The following THEM4 variants were observed in gnomAD, a reference collection of about 807,000 sequenced individuals.
The protein encoded by THEM4 is acyl-coenzyme A thioesterase THEM4.
Under a neutral mutation model 25.0 loss-of-function variants are expected in THEM4, and 22 were observed. The observed-to-expected ratio is 0.88, with a 90% CI of 0.63 to 1.26. The LOEUF is 1.26. Ranked by LOEUF, THEM4 falls within the 50% of genes most tolerant of loss-of-function variation. The pLI is 0.00. For synonymous variants in THEM4, 113 were observed against 105.6 expected (o/e 1.07, Z -0.43); for missense variants, 286 against 300.3 (o/e 0.95, Z 0.35).
intron 4 of THEM4, among the ~76,000 whole-genome samples, chr1:151,887,871 G>A (rs535745802): frequency 3.9e-5 from 6 of 152,104 alleles, no homozygotes; most frequent in Non-Finnish European, 8.8e-5. Context: ...CACTTGTTTT[G>A]GTTATTTTCT....
intron 4 of THEM4, 39 bp downstream of exon 4, chr1:151,888,231 TAAC>T (rs761478997): frequency 2.0e-6 from 3 of 1,528,416 alleles, no homozygotes; most frequent in Admixed American, 3.5e-5. Context: ...GAACCTGACT[TAAC>T]AACACCTAAG....
chr1:151,886,962 C>T (rs747250044), intron 4 of THEM4, among the ~76,000 whole-genome samples: 4 of 152,098 alleles, frequency 2.6e-5, no homozygotes, highest in Non-Finnish European at 4.4e-5. Flanking sequence ...GGAAGAAGTA[C>T]AAAGATCTGT....
chr1:151,897,563 T>C (rs548463163), intron 1 of THEM4, among the ~76,000 whole-genome samples: 1 of 152,300 alleles, frequency 6.6e-6, no homozygotes, highest in East Asian at 1.9e-4. Context: ...TTAATTATTG[T>C]AGGAACATAA....
chr1:151,873,174 G>C lies in THEM4; in HGVS notation c.*1714C>G, dbSNP rs2338201. On this transcript the variant is annotated 3_prime_UTR_variant, in exon 6 of 6. Coordinates refer to ENST00000368814, the MANE Select transcript of THEM4 (RefSeq NM_053055.5). ...GGAGAGAAGCATAAATCTGGCCTAC[G>C]TACACATCTGGGCATAGTACCTTCC... is the stretch of plus-strand genomic sequence containing the variant. 0.59 allele frequency among the ~76,000 whole-genome samples: 88,940 copies of C among 151,948 alleles called. 26,333 individuals carry two copies. Among genetic ancestry groups the C allele is most frequent in the Admixed American group, 0.67 (10,236 of 15,272 alleles).
intron 1 of THEM4, among the ~76,000 whole-genome samples, chr1:151,897,258 TAC>T (rs928839363): frequency 2.6e-4 from 40 of 152,204 alleles, no homozygotes; most frequent in Admixed American, 2.3e-3. Context: ...GTACCTACAA[TAC>T]ACACACTGCA....
chr1:151,893,087 T>TC (rs1195926837), intron 2 of THEM4, among the ~76,000 whole-genome samples: 1 of 152,138 alleles, frequency 6.6e-6, no homozygotes, highest in Non-Finnish European at 1.5e-5. Context: ...GGGTTCAAGA[T>TC]AGGCTGGGCA....
chr1:151,878,864 T>G (rs1653744539), intron 4 of THEM4, among the ~76,000 whole-genome samples: 1 of 96,174 alleles, frequency 1.0e-5, no homozygotes, highest in Admixed American at 1.2e-4. Context: ...ATAAAAAAAT[T>G]TGTTTTATTA....
At chr1:151,901,402 A>C (rs953288498) in intron 1 of THEM4, among the ~76,000 whole-genome samples, 1 of 152,246 alleles carries the variant, frequency 6.6e-6, no homozygotes. Context: ...CATTCTATTC[A>C]ACAGTGCATG....
intron 1 of THEM4, among the ~76,000 whole-genome samples, chr1:151,902,099 A>T (rs1654366095): frequency 6.6e-6 from 1 of 152,218 alleles, no homozygotes. Context: ...CTCCTGCAAG[A>T]ATTGCCATAA....
At chr1:151,894,503 T>C (rs2101726212) in intron 2 of THEM4, among the ~76,000 whole-genome samples, 1 of 152,286 alleles carries the variant, frequency 6.6e-6, no homozygotes, top group East Asian at 1.9e-4. Context: ...TTTAGGCTAA[T>C]TTTTCTATAA....
chr1:151,902,498 G>T (rs1309493279), intron 1 of THEM4, among the ~76,000 whole-genome samples: 1 of 152,082 alleles, frequency 6.6e-6, no homozygotes, highest in African/African-American at 2.4e-5. Context: ...GACTTGGGGG[G>T]AAGAATGGGA....
chr1:151,878,889 TATACACAC>T lies in THEM4; in HGVS notation c.558-1772_558-1765del, dbSNP rs1174150983. On this transcript the variant is annotated intron_variant, in intron 4 of 5. Coordinates refer to ENST00000368814, the MANE Select transcript of THEM4 (RefSeq NM_053055.5). ...TTGTTTTATTATATTTGTATATGTC[TATACACAC>T]ACACACACACACACACACACACACA... Among the ~76,000 whole-genome samples, 1,042 of 127,658 alleles carry T rather than the reference TATACACAC, an allele frequency of 8.2e-3. 22 individuals carry two copies. Among genetic ancestry groups the T allele is most frequent in the African/African-American group, 0.028 (942 of 33,538 alleles). The allele number at this position is 127,658 out of a possible 152,430, so 83.7% of individuals were successfully genotyped here. A position where few individuals can be genotyped will look rare whatever the true frequency, so the allele number is the denominator to read the frequency against.
intron 1 of THEM4, among the ~76,000 whole-genome samples, chr1:151,901,077 A>G (rs1654341209): frequency 6.6e-6 from 1 of 152,238 alleles, no homozygotes; most frequent in Non-Finnish European, 1.5e-5. Context: ...TAGTAAATCT[A>G]TAATCTATAG....
intron 1 of THEM4, 142 bp downstream of exon 1, chr1:151,909,218 C>T: frequency 1.6e-6 from 1 of 626,882 alleles, no homozygotes; most frequent in Non-Finnish European, 2.6e-6. Flanking sequence ...GCCCCTGTTG[C>T]TTATGCTGCC....
At chr1:151,891,455 G>A (rs892424393) in intron 2 of THEM4, 8 of 152,202 alleles carry the variant, frequency 5.3e-5, no homozygotes, top group African/African-American at 1.9e-4. Flanking sequence ...GATGGCAGAT[G>A]GTTGGATTCA....
In THEM4 at chr1:151,876,976, GAAAGAGAT is replaced by G; in HGVS notation, c.682+17_682+24del. 6.3e-7 allele frequency: 1 copy of G among 1,583,462 alleles called. No homozygotes were observed. Among genetic ancestry groups the G allele is most frequent in the Non-Finnish European group, 8.6e-7 (1 of 1,168,460 alleles). On this transcript the variant is annotated intron_variant, in intron 5 of 5. Coordinates refer to ENST00000368814, the MANE Select transcript of THEM4 (RefSeq NM_053055.5). ...CCAACCCAACCCAACTAAACCCCAA[GAAAGAGAT>G]AAGACCAGCTTCTTACTTGTCGCCT...
At chr1:151,877,553 A>G (rs950522174) in intron 4 of THEM4, among the ~76,000 whole-genome samples, 1 of 152,212 alleles carries the variant, frequency 6.6e-6, no homozygotes, top group Admixed American at 6.5e-5. Flanking sequence ...TTCAATTCTG[A>G]GTAATGGTCA....
At chr1:151,907,758 T>C (rs1654503840) in intron 1 of THEM4, among the ~76,000 whole-genome samples, 1 of 152,198 alleles carries the variant, frequency 6.6e-6, no homozygotes, top group Non-Finnish European at 1.5e-5. Context: ...CAACGGCACC[T>C]ATTTTTCTTT....
In THEM4 at chr1:151,871,141, A is replaced by G. The variant is rs1344475149; in HGVS notation, c.*3747T>C. Among the ~76,000 whole-genome samples the G allele has an allele frequency of 6.6e-6, 1 of 152,146 alleles. No homozygotes were observed. Among genetic ancestry groups the G allele is most frequent in the African/African-American group, 2.4e-5 (1 of 41,434 alleles). On this transcript the variant is annotated 3_prime_UTR_variant, in exon 6 of 6. Coordinates refer to ENST00000368814, the MANE Select transcript of THEM4 (RefSeq NM_053055.5). The stretch of plus-strand genomic sequence containing the variant: ...GGAGTTTGAGACCAGACTGGGCAAC[A>G]TGGCAAAACCCTGTCTCTACAAACA...
Sources: allele counts gnomAD v4.1 joint callset (sites outside exome capture counted in the v4.1 genomes callset), GRCh38; gene constraint gnomAD v4.1.1; transcripts MANE v1.5; gene names NCBI Gene and HGNC (gene_info 2026-07-23, HGNC 2026-07-21).